Variants in UNC80 observed in about 807,000 individuals in gnomAD.
The protein encoded by UNC80 is unc-80 subunit of NALCN channel complex.
In UNC80, 164 loss-of-function variants were observed where a neutral mutation model predicts 384.6. The ratio of observed to expected loss-of-function variants is 0.43; its 90% CI spans 0.38 to 0.49. UNC80 has a LOEUF of 0.49. Ranked by LOEUF, UNC80 falls within the 20% of genes least tolerant of loss-of-function variation. UNC80 has a pLI of 0.00. For missense variants in UNC80, 3,330 were observed against 4,143.0 expected, an observed-to-expected ratio of 0.80 and a Z score of 5.39; for synonymous variants, 1,486 against 1,527.8, an observed-to-expected ratio of 0.97 and a Z score of 0.64.
chr2:209,918,095 C>A, intron 32 of UNC80, 137 bp downstream of exon 32: 1 of 817,138 alleles, frequency 1.2e-6, no homozygotes, highest in Non-Finnish European at 1.9e-6. Context: ...GTAAACCTAA[C>A]ATACATGAAT....
intron 24 of UNC80, among the ~76,000 whole-genome samples, chr2:209,879,100 A>G (rs1227960140): frequency 6.6e-6 from 1 of 152,036 alleles, no homozygotes; most frequent in Non-Finnish European, 1.5e-5. Flanking sequence ...ATCAGAGCAA[A>G]TCTTCTTGAC....
intron 7 of UNC80, among the ~76,000 whole-genome samples, chr2:209,797,175 A>G (rs1385855090): frequency 6.6e-6 from 1 of 152,198 alleles, no homozygotes; most frequent in African/African-American, 2.4e-5. Context: ...TTGTTAAACA[A>G]TATTCTTTTT....
chr2:209,839,946 C>T lies in UNC80; in HGVS notation c.3250+516C>T, dbSNP rs1403945486. Among the ~76,000 whole-genome samples, 1 of 151,926 alleles carries T rather than the reference C, an allele frequency of 6.6e-6. No individual in the cohort carries two copies. The highest frequency in any genetic ancestry group is 1.5e-5 in the Non-Finnish European group (1 of 68,016). On this transcript the variant is annotated intron_variant, in intron 19 of 64. Coordinates refer to ENST00000673920, the MANE Select transcript of UNC80 (RefSeq NM_001371986.1). The surrounding 1 kb of genome is among the most constrained non-coding windows in gnomAD (Gnocchi z 4.1). ...CATTATTTGCAAAGATATTAGGAGG[C>T]TGAAGGGAAGTGAAGGAACTGAAAC... is the stretch of plus-strand genomic sequence containing the variant.
At chr2:209,786,537 G>T (rs543975453) in intron 5 of UNC80, among the ~76,000 whole-genome samples, 1 of 152,016 alleles carries the variant, frequency 6.6e-6, no homozygotes, top group Non-Finnish European at 1.5e-5. Flanking sequence ...TGGCAGCTGC[G>T]ATTATTATTA....
At chr2:209,953,860 C>G (rs1351756770) in intron 47 of UNC80, among the ~76,000 whole-genome samples, 1 of 152,102 alleles carries the variant, frequency 6.6e-6, no homozygotes, top group Non-Finnish European at 1.5e-5. Flanking sequence ...GGCTAATTCC[C>G]CCGACTAGAT....
chr2:209,934,985 G>T (rs2091147629), intron 39 of UNC80, among the ~76,000 whole-genome samples: 1 of 152,140 alleles, frequency 6.6e-6, no homozygotes, highest in Non-Finnish European at 1.5e-5. Flanking sequence ...ACAAAGATTT[G>T]TAATTAATGA....
chr2:209,813,979 T>G, intron 8 of UNC80, 138 bp downstream of exon 8: 1 of 1,117,318 alleles, frequency 9.0e-7, no homozygotes, highest in Non-Finnish European at 1.2e-6. Context: ...TATTATCTTT[T>G]CCCTTCCATC....
intron 6 of UNC80, among the ~76,000 whole-genome samples, chr2:209,791,111 A>G (rs2077768015): frequency 6.6e-6 from 1 of 152,158 alleles, no homozygotes; most frequent in Non-Finnish European, 1.5e-5. Context: ...TATGACCACT[A>G]CTATCCTCTA....
intron 1 of UNC80, 113 bp from the exon 2 acceptor site, chr2:209,772,981 T>A (rs952374995): frequency 1.2e-6 from 1 of 849,532 alleles, no homozygotes; most frequent in African/African-American, 1.7e-5. Context: ...TAAGGAAGCA[T>A]GAAATTTGAA....
intron 16 of UNC80, among the ~76,000 whole-genome samples, chr2:209,832,819 C>T (rs772912028): frequency 2.0e-5 from 3 of 152,124 alleles, no homozygotes; most frequent in African/African-American, 4.8e-5. Flanking sequence ...CTTTGAACTC[C>T]CATCCCATAA....
chr2:209,959,860 C>G (rs888332979), intron 51 of UNC80, among the ~76,000 whole-genome samples, 153 bp downstream of exon 51: 1 of 152,082 alleles, frequency 6.6e-6, no homozygotes, highest in Admixed American at 6.6e-5. Flanking sequence ...CATACAGAAC[C>G]CTCTGCTAAA....
intron 6 of UNC80, among the ~76,000 whole-genome samples, chr2:209,792,499 C>G (rs551899486): frequency 7.2e-5 from 11 of 152,194 alleles, no homozygotes; most frequent in African/African-American, 2.4e-4. Context: ...AGGCGCCCAC[C>G]ACCGCGCCCA....
chr2:209,946,694 C>T (rs2091931387), intron 47 of UNC80, among the ~76,000 whole-genome samples: 1 of 152,188 alleles, frequency 6.6e-6, no homozygotes, highest in African/African-American at 2.4e-5. Flanking sequence ...CAAAGACTCA[C>T]ATGAAGAATG....
Position 209,976,856 on chromosome 2 carries a change from T to A in UNC80, c.8773-57T>A. ...ACAACAATGAAATAGGTACAGCAATTAGCCCATTTTATGGATGGAAAATTG... is the reference window on the plus strand; with the variant it reads ...ACAACAATGAAATAGGTACAGCAATAAGCCCATTTTATGGATGGAAAATTG... On this transcript the variant is annotated intron_variant, in intron 57 of 64. Transcript: ENST00000673920. The surrounding 1 kb of genome is among the most constrained non-coding windows in gnomAD (Gnocchi z 4.3). The A allele has an allele frequency of 6.9e-7, 1 of 1,458,350 alleles. No individual in the cohort carries two copies. Among genetic ancestry groups the A allele is most frequent in the Non-Finnish European group, 9.2e-7 (1 of 1,085,074 alleles). The allele number at this position is 1,458,350 out of a possible 1,614,324, so 90.3% of individuals were successfully genotyped here.
chr2:209,793,751 C>T lies in UNC80; in HGVS notation c.830C>T (p.Ser277Phe). 1 of 1,614,104 alleles carries T rather than the reference C, an allele frequency of 6.2e-7. No individual in the cohort carries two copies. The highest frequency in any genetic ancestry group is 8.5e-7 in the Non-Finnish European group (1 of 1,179,980). ...CAGGTGGTTTGTGAAACATTCCAGT[C>T]TGATTCCATCTCACCCAAGGCCACC... ...GLQVVCETFQ[S>F]DSISPKATIS... The change falls in exon 7 of 65, where the codon TCT becomes TTT. Residue 277 changes from serine to phenylalanine, a missense_variant. Ser to Phe is a radical substitution (Grantham distance 155). Around this residue, in one of 8 missense-constraint regions of UNC80, gnomAD observed 937 missense variants for 1,026.8 expected, o/e 0.91. Transcript: ENST00000673920.
At chr2:209,849,757 G>T (rs1432358253) in intron 22 of UNC80, 134 bp downstream of exon 22, 6 of 966,886 alleles carry the variant, frequency 6.2e-6, no homozygotes, top group Non-Finnish European at 8.9e-6. Context: ...GATAAAAGGG[G>T]GAAGAAAGAT....
chr2:209,776,705 C>T (rs921851664), intron 3 of UNC80, among the ~76,000 whole-genome samples: 4 of 152,214 alleles, frequency 2.6e-5, no homozygotes, highest in Non-Finnish European at 5.9e-5. Context: ...CTAAAGCAAC[C>T]ACTCTCATGA....
chr2:209,915,934 G>A (rs1439957056), intron 31 of UNC80, among the ~76,000 whole-genome samples: 2 of 152,158 alleles, frequency 1.3e-5, no homozygotes, highest in African/African-American at 4.8e-5. Flanking sequence ...GATATTTTAA[G>A]TACTCTGACT....
At chr2:209,949,603 G>A (rs1158458586) in intron 47 of UNC80, among the ~76,000 whole-genome samples, 4 of 152,036 alleles carry the variant, frequency 2.6e-5, no homozygotes, top group African/African-American at 7.2e-5. Flanking sequence ...TCTGCCTCCC[G>A]AGTAGCTGGG....
Sources: allele counts gnomAD v4.1 joint callset (sites outside exome capture counted in the v4.1 genomes callset), GRCh38; gene constraint gnomAD v4.1.1; regional missense constraint gnomAD v4.1.1; non-coding constraint Gnocchi (gnomAD v3.1); transcripts MANE v1.5; gene names NCBI Gene and HGNC (gene_info 2026-07-23, HGNC 2026-07-21).